Variants in SGO1 observed in about 807,000 individuals in gnomAD.
SGO1 encodes the protein serologically defined breast cancer antigen NY-BR-85.
In SGO1, 39 loss-of-function variants were observed where a neutral mutation model predicts 50.5. The observed-to-expected ratio is 0.77, with a 90% CI of 0.60 to 1.01. The LOEUF is 1.01. SGO1 is among the 50% of genes least tolerant of loss of function. The pLI is 0.00. For missense variants in SGO1, 638 were observed against 606.0 expected, an observed-to-expected ratio of 1.05 and a Z score of -0.55; for synonymous variants, 191 against 205.1, an observed-to-expected ratio of 0.93 and a Z score of 0.59.
intron 4 of SGO1, 88 bp downstream of exon 4, chr3:20,178,183 G>A: frequency 1.1e-6 from 1 of 913,738 alleles, no homozygotes; most frequent in Non-Finnish European, 1.8e-6. Context: ...TATAAGAGTT[G>A]ACATGATGCA....
chr3:20,184,605 A>T (rs914894994), intron 1 of SGO1, among the ~76,000 whole-genome samples: 2 of 152,208 alleles, frequency 1.3e-5, no homozygotes, highest in Admixed American at 6.5e-5. Context: ...AGAGGTTTAA[A>T]CTATGTAGCA....
At chr3:20,176,467 TGCTTTGA>T in intron 5 of SGO1, 127 bp downstream of exon 5, 1 of 587,482 alleles carries the variant, frequency 1.7e-6, no homozygotes, top group South Asian at 2.2e-5. Flanking sequence ...TAAACAGATT[TGCTTTGA>T]GCAGAATACC....
chr3:20,174,083 C>T (rs1701078846), intron 6 of SGO1, among the ~76,000 whole-genome samples, 166 bp downstream of exon 6: 1 of 152,154 alleles, frequency 6.6e-6, no homozygotes, highest in African/African-American at 2.4e-5. Flanking sequence ...GATTTCCACA[C>T]CCAGCCCCCC....
At chr3:20,185,029 A>C (rs1242477999) in intron 1 of SGO1, among the ~76,000 whole-genome samples, 1 of 152,198 alleles carries the variant, frequency 6.6e-6, no homozygotes, top group Non-Finnish European at 1.5e-5. Flanking sequence ...CCTAAACCTT[A>C]CACTTAATCT....
At chr3:20,176,130 C>T (rs1213779487) in intron 5 of SGO1, among the ~76,000 whole-genome samples, 1 of 152,172 alleles carries the variant, frequency 6.6e-6, no homozygotes, top group Non-Finnish European at 1.5e-5. Context: ...AGGAGATTGA[C>T]ACTTGAGAAC....
At chr3:20,179,134 G>C (rs1038304569) in intron 3 of SGO1, among the ~76,000 whole-genome samples, 4 of 151,340 alleles carry the variant, frequency 2.6e-5, no homozygotes, top group Admixed American at 6.6e-5. Context: ...GGAGAGGAAA[G>C]CCTCTTGTGG....
At chr3:20,184,935 A>G (rs1284793578) in intron 1 of SGO1, among the ~76,000 whole-genome samples, 2 of 152,074 alleles carry the variant, frequency 1.3e-5, no homozygotes, top group African/African-American at 2.4e-5. Context: ...GCAAAAAAAA[A>G]AGACTTGTTT....
At chr3:20,182,458 C>T (rs570931955) in intron 3 of SGO1, among the ~76,000 whole-genome samples, 16 of 152,200 alleles carry the variant, frequency 1.1e-4, no homozygotes, top group Admixed American at 7.8e-4. Flanking sequence ...GGAAGAAATT[C>T]AACTTGCTGT....
intron 6 of SGO1, 106 bp from the exon 7 acceptor site, chr3:20,171,338 T>C: frequency 1.0e-6 from 1 of 955,664 alleles, no homozygotes; most frequent in Non-Finnish European, 1.5e-6. Flanking sequence ...ATCCAGCATT[T>C]AATAATAGAA....
intron 3 of SGO1, among the ~76,000 whole-genome samples, chr3:20,181,535 T>C (rs1454606588): frequency 6.6e-6 from 1 of 152,220 alleles, no homozygotes; most frequent in Admixed American, 6.5e-5. Context: ...TAAGAATATA[T>C]TTGCGTAGCA....
At position 20,170,682 on chromosome 3, in the gene SGO1, T is replaced by G. The variant is rs201164840; in HGVS notation, c.*22A>C. ...AACAGAAAGAGGTGTAGATTGAATT[T>G]AAACAATATCCAACAAAACCTTCAT... On this transcript the variant is annotated 3_prime_UTR_variant, in exon 8 of 8. Transcript: ENST00000412997. The G allele has an allele frequency of 7.3e-5, 113 of 1,557,188 alleles. 2 individuals are homozygous for G. The South Asian group carries it at 1.3e-3, about 18-fold the overall frequency.
chr3:20,172,297 T>C (rs1700822712), intron 6 of SGO1, among the ~76,000 whole-genome samples: 1 of 152,158 alleles, frequency 6.6e-6, no homozygotes, highest in African/African-American at 2.4e-5. Context: ...AGGTTGGCAG[T>C]TTGAGGCCAG....
At chr3:20,177,549 T>C (rs1575227009) in intron 4 of SGO1, among the ~76,000 whole-genome samples, 1 of 152,202 alleles carries the variant, frequency 6.6e-6, no homozygotes, top group South Asian at 2.1e-4. Context: ...CTGATGATGT[T>C]ACTGGGATTC....
chr3:20,177,860 C>G (rs962751784), intron 4 of SGO1, among the ~76,000 whole-genome samples: 1 of 148,732 alleles, frequency 6.7e-6, no homozygotes, highest in Admixed American at 6.7e-5. Context: ...AATGGGACAA[C>G]TGTGTTAAAT....
At chr3:20,171,856 C>G (rs1329526732) in intron 6 of SGO1, among the ~76,000 whole-genome samples, 1 of 152,200 alleles carries the variant, frequency 6.6e-6, no homozygotes, top group Non-Finnish European at 1.5e-5. Context: ...TTTTTCCCAT[C>G]ATAAACATCC....
intron 3 of SGO1, among the ~76,000 whole-genome samples, chr3:20,180,280 T>C (rs1339815032): frequency 2.0e-5 from 3 of 152,118 alleles, no homozygotes; most frequent in African/African-American, 7.2e-5. Context: ...AGCGAGACTC[T>C]GTCTCAAAGG....
rs776650598 is a variant in SGO1 at position 20,176,660 on chromosome 3, C to G, written c.417-1G>C. 1.3e-6 allele frequency: 2 copies of G among 1,557,246 alleles called. No individual in the cohort carries two copies. Among genetic ancestry groups the G allele is most frequent in the East Asian group, 4.6e-5 (2 of 43,232 alleles). Reference sequence around the variant, plus strand: ...TTCAGTTTCTTCAAGAGGAATTTGCCTTAGAAAATACCAATGAAAAACAGA... The same window carrying G: ...TTCAGTTTCTTCAAGAGGAATTTGCGTTAGAAAATACCAATGAAAAACAGA... On this transcript the variant is annotated splice_acceptor_variant, in intron 4 of 7. Transcript: ENST00000412997. LOFTEE classifies it high-confidence loss of function.
intron 8 of SGO1, among the ~76,000 whole-genome samples, chr3:20,162,813 A>G (rs1700108221): frequency 6.6e-6 from 1 of 151,662 alleles, no homozygotes; most frequent in Non-Finnish European, 1.5e-5. Flanking sequence ...AAAAAAAAAT[A>G]CAATATCATG....
At position 20,174,503 on chromosome 3, in the gene SGO1, A is replaced by T. The variant is rs745910843; in HGVS notation, c.1028T>A (p.Val343Asp). Residue 343 changes from valine to aspartate, a missense_variant, in exon 6 of 8, where the codon GTT becomes GAT. By Grantham distance (152) the Val-to-Asp change is radical (BLOSUM62 -3). Transcript: ENST00000412997. ...TTTTTGTCGGAAAGGAGTAAGATGA[A>T]CACCCTCTTCCAAATTAAAATTGTA... Reference protein sequence around the residue: ...DAYNFNLEEGVHLTPFRQKVS... With the variant: ...DAYNFNLEEGDHLTPFRQKVS... 1.2e-6 allele frequency: 2 copies of T among 1,614,164 alleles called. No individual in the cohort carries two copies. Among genetic ancestry groups the T allele is most frequent in the South Asian group, 2.2e-5 (2 of 91,080 alleles).
Sources: allele counts gnomAD v4.1 joint callset (sites outside exome capture counted in the v4.1 genomes callset), GRCh38; gene constraint gnomAD v4.1.1; transcripts MANE v1.5; gene names NCBI Gene and HGNC (gene_info 2026-07-23, HGNC 2026-07-21).